The following EMID1 variants were observed in gnomAD, a reference collection of about 807,000 sequenced individuals.
EMID1 encodes EMI domain containing 1, also known as EMI domain-containing protein 1.
A neutral mutation model predicts 60.6 loss-of-function variants in EMID1; 40 were observed. The observed-to-expected ratio is 0.66, with a 90% CI of 0.51 to 0.86. The LOEUF is 0.86. EMID1 is among the 40% of genes least tolerant of loss of function. EMID1 has a pLI of 0.00. For missense variants in EMID1, 585 were observed against 597.1 expected, an observed-to-expected ratio of 0.98 and a Z score of 0.21; for synonymous variants, 242 against 231.0, an observed-to-expected ratio of 1.05 and a Z score of -0.43.
intron 5 of EMID1, among the ~76,000 whole-genome samples, chr22:29,228,894 C>A (rs1052891954): frequency 2.6e-5 from 4 of 152,020 alleles, no homozygotes; most frequent in Admixed American, 2.6e-4. Context: ...TTGTGCCCAG[C>A]CTGGGAACTT....
intron 12 of EMID1, among the ~76,000 whole-genome samples, chr22:29,242,072 G>A (rs1202957956): frequency 1.3e-5 from 2 of 152,030 alleles, no homozygotes; most frequent in Non-Finnish European, 1.5e-5. Flanking sequence ...CACCATATCT[G>A]GCTTGTTTTT....
chr22:29,257,400 A>G (rs2041740200), intron 14 of EMID1, among the ~76,000 whole-genome samples: 1 of 152,186 alleles, frequency 6.6e-6, no homozygotes, highest in South Asian at 2.1e-4. Context: ...AGAGGAGTAA[A>G]CTTGCTAGGT....
In EMID1 at chr22:29,233,737, C is replaced by T. The variant is rs5763077; in HGVS notation, c.966+71C>T. 2.2e-3 allele frequency: 3,132 copies of T among 1,401,546 alleles called. 48 individuals are homozygous for T. The East Asian group carries it at 0.05, about 22-fold the overall frequency. The allele number at this position is 1,401,546 out of a possible 1,614,324, so 86.8% of individuals were successfully genotyped here. On this transcript the variant is annotated intron_variant, in intron 10 of 14. Transcript: ENST00000334018. ...TCCATCTATGCATACATCCATACAT[C>T]TGTCCATCATCCACCCTTGTATCCA...
At chr22:29,209,111 GC>G (rs994770774) in intron 1 of EMID1, among the ~76,000 whole-genome samples, 6 of 152,190 alleles carry the variant, frequency 3.9e-5, no homozygotes, top group East Asian at 1.9e-4. Flanking sequence ...TTGGCCCCGG[GC>G]CCGCTTGGCT....
At chr22:29,249,911 G>A (rs2041464111) in intron 13 of EMID1, among the ~76,000 whole-genome samples, 1 of 152,090 alleles carries the variant, frequency 6.6e-6, no homozygotes, top group South Asian at 2.1e-4. Flanking sequence ...CACCACGCCT[G>A]GCCCCCAAAA....
chr22:29,249,607 T>TTTAC (rs2041451131), intron 13 of EMID1, among the ~76,000 whole-genome samples: 2 of 148,792 alleles, frequency 1.3e-5, no homozygotes, highest in Non-Finnish European at 3.0e-5. Flanking sequence ...TATTTATTTA[T>TTTAC]TTATTTATTT....
chr22:29,240,991 G>A (rs2041134233), intron 12 of EMID1, among the ~76,000 whole-genome samples: 1 of 152,160 alleles, frequency 6.6e-6, no homozygotes, highest in African/African-American at 2.4e-5. Context: ...ATTTCAAAAT[G>A]ATGCCTTCTC....
chr22:29,207,400 GA>G (rs556136089), intron 1 of EMID1, among the ~76,000 whole-genome samples: 167 of 152,350 alleles, frequency 1.1e-3, no homozygotes, highest in African/African-American at 3.9e-3. Flanking sequence ...TTTCATAGAG[GA>G]GGAAGATGAG....
At chr22:29,238,833 C>G (rs1255343463) in intron 12 of EMID1, among the ~76,000 whole-genome samples, 1 of 141,376 alleles carries the variant, frequency 7.1e-6, no homozygotes, top group East Asian at 2.1e-4. Context: ...GCTGGGATTA[C>G]AGGTGTGAGC....
rs144444034 is a variant in EMID1 at position 29,253,976 on chromosome 22, A to G, written c.1120-227A>G. On this transcript the variant is annotated intron_variant, in intron 13 of 14. Coordinates refer to ENST00000334018, the MANE Select transcript of EMID1 (RefSeq NM_133455.4). ...GTCAGAGAGCAGCCAGCTGGGATCC[A>G]ACGGGACCTTCTGGGAGGTCCTGCA... is the stretch of plus-strand genomic sequence containing the variant. 4.5e-3 allele frequency: 4,402 copies of G among 985,454 alleles called. 25 individuals carry two copies. Among genetic ancestry groups the G allele is most frequent in the Middle Eastern group, 0.022 (42 of 1,914 alleles). The allele number at this position is 985,454 out of a possible 1,614,324, so 61.0% of individuals were successfully genotyped here. A position where few individuals can be genotyped will look rare whatever the true frequency, so the allele number is the denominator to read the frequency against.
At chr22:29,231,276 T>C (rs2040730502) in intron 6 of EMID1, 136 bp downstream of exon 6, 1 of 1,341,566 alleles carries the variant, frequency 7.5e-7, no homozygotes, top group Non-Finnish European at 1.0e-6. Flanking sequence ...ATTTCCCGTT[T>C]CTTAGACCCG....
chr22:29,245,679 G>C (rs1303067603), intron 13 of EMID1, among the ~76,000 whole-genome samples: 1 of 152,236 alleles, frequency 6.6e-6, no homozygotes, highest in Non-Finnish European at 1.5e-5. Context: ...CCTTAGTGCA[G>C]CTTGCAGATG....
chr22:29,219,031 G>C (rs1480982512), intron 3 of EMID1, among the ~76,000 whole-genome samples: 1 of 152,080 alleles, frequency 6.6e-6, no homozygotes, highest in African/African-American at 2.4e-5. Context: ...GCGCTGCAAG[G>C]TTTACCCCCT....
intron 4 of EMID1, among the ~76,000 whole-genome samples, chr22:29,226,235 C>T (rs1259405292): frequency 1.3e-5 from 2 of 152,212 alleles, no homozygotes; most frequent in South Asian, 4.1e-4. Context: ...ACAGAGGCTG[C>T]CAGGGGTCAG....
At chr22:29,251,392 T>G (rs917924310) in intron 13 of EMID1, among the ~76,000 whole-genome samples, 1 of 151,956 alleles carries the variant, frequency 6.6e-6, no homozygotes, top group Non-Finnish European at 1.5e-5. Flanking sequence ...ATTTTTTTTT[T>G]TTTTTTAGAG....
At chr22:29,229,091 C>T (rs1410087564) in intron 5 of EMID1, among the ~76,000 whole-genome samples, 1 of 152,100 alleles carries the variant, frequency 6.6e-6, no homozygotes, top group Admixed American at 6.6e-5. Flanking sequence ...CCTGTAATCC[C>T]AGCACTTTGG....
At chr22:29,213,467 G>A (rs754664270) in intron 1 of EMID1, among the ~76,000 whole-genome samples, 1 of 152,210 alleles carries the variant, frequency 6.6e-6, no homozygotes, top group African/African-American at 2.4e-5. Flanking sequence ...TGATTCTGGT[G>A]TGGCACAGAA....
chr22:29,215,443 A>C, intron 2 of EMID1, 84 bp from the exon 3 acceptor site: 1 of 1,417,980 alleles, frequency 7.1e-7, no homozygotes, highest in Non-Finnish European at 9.8e-7. Flanking sequence ...TGGAAGCTCT[A>C]GGTTTGTCCC....
chr22:29,254,239 AT>A lies in EMID1; in HGVS notation c.1160del (p.Leu387Ter), dbSNP rs1398072491. On this transcript the variant is annotated frameshift_variant, in exon 14 of 15. Coordinates refer to ENST00000334018, the MANE Select transcript of EMID1 (RefSeq NM_133455.4). LOFTEE classifies it high-confidence loss of function. ...GLHQLREALK[I>X]LAERVLILET... ...GCACCAGCTACGCGAGGCTTTGAAG[AT>A]TTTAGCTGAGAGGGTTTTAATCTTG... is the stretch of plus-strand genomic sequence containing the variant. 4 of 1,614,122 alleles carry A rather than the reference AT, an allele frequency of 2.5e-6. No individual in the cohort carries two copies. The highest frequency in any genetic ancestry group is 2.5e-6 in the Non-Finnish European group (3 of 1,180,010).
Sources: gnomAD v4.1 joint callset for allele counts (sites outside exome capture counted in the v4.1 genomes callset) on GRCh38, gnomAD v4.1.1 for gene constraint, MANE v1.5 for transcripts, NCBI Gene and HGNC (gene_info 2026-07-23, HGNC 2026-07-21) for gene names.